Variants in CDH4 observed in about 807,000 individuals in gnomAD.
The protein encoded by CDH4 is cadherin 4.
CDH4 carries 33 observed loss-of-function variants against 86.0 expected under a neutral mutation model. That is an observed-to-expected ratio of 0.38 (90% confidence interval 0.29 to 0.51). The LOEUF is 0.51. Ranked by LOEUF, CDH4 falls within the 20% of genes least tolerant of loss-of-function variation. The pLI, the probability that CDH4 is intolerant of heterozygous loss-of-function variation, is 0.86. For missense variants in CDH4, 1,114 were observed against 1,307.4 expected (o/e 0.85, Z 2.28); for synonymous variants, 555 against 549.4 (o/e 1.01, Z -0.14).
At chr20:61,529,269 A>G (rs1045785992) in intron 2 of CDH4, among the ~76,000 whole-genome samples, 2 of 152,242 alleles carry the variant, frequency 1.3e-5, no homozygotes, top group Admixed American at 6.5e-5. Flanking sequence ...TTTATATTGC[A>G]TCATTTACAT....
chr20:61,317,830 G>A (rs1341300335), intron 2 of CDH4, among the ~76,000 whole-genome samples: 2 of 152,366 alleles, frequency 1.3e-5, no homozygotes, highest in African/African-American at 4.8e-5. Flanking sequence ...CAGCCAGCCA[G>A]CAAGGGTGAA....
At position 61,361,968 on chromosome 20, in the gene CDH4, G is replaced by A. The variant is rs186326121; in HGVS notation, c.169+107031G>A. 6.7e-3 allele frequency among the ~76,000 whole-genome samples: 1,026 copies of A among 152,304 alleles called. 24 individuals carry two copies. Among genetic ancestry groups the A allele is most frequent in the South Asian group, 0.058 (279 of 4,816 alleles). On this transcript the variant is annotated intron_variant, in intron 2 of 15. Transcript: ENST00000614565. The stretch of plus-strand genomic sequence containing the variant: ...AAGTAAGCCAGGCATCTGCCATCCC[G>A]GAGCCCACACTCTCCGAGAGGGGAC...
At chr20:61,935,382 A>G (rs186402470) in intron 15 of CDH4, among the ~76,000 whole-genome samples, 44 of 152,378 alleles carry the variant, frequency 2.9e-4, no homozygotes, top group Non-Finnish European at 4.0e-4. Context: ...CTCTGACAAC[A>G]TGACGCTTAC....
intron 2 of CDH4, among the ~76,000 whole-genome samples, chr20:61,562,057 C>G (rs182275829): frequency 0.01 from 1,474 of 143,134 alleles, 13 homozygotes; most frequent in African/African-American, 0.037. Context: ...GACCCCAGGG[C>G]TCCCGGAGAG....
intron 2 of CDH4, among the ~76,000 whole-genome samples, chr20:61,349,987 T>C (rs1439198079): frequency 6.6e-6 from 1 of 152,152 alleles, no homozygotes; most frequent in East Asian, 1.9e-4. Flanking sequence ...CCCTGCCCAC[T>C]GGGACAGTCA....
chr20:61,710,013 C>T (rs2087872741), intron 2 of CDH4, among the ~76,000 whole-genome samples: 1 of 152,086 alleles, frequency 6.6e-6, no homozygotes, highest in African/African-American at 2.4e-5. Context: ...GAAACAGTAA[C>T]TGAGTGGGAT....
At chr20:61,916,850 G>A (rs914365985) in intron 9 of CDH4, among the ~76,000 whole-genome samples, 13 of 152,220 alleles carry the variant, frequency 8.5e-5, no homozygotes, top group Non-Finnish European at 1.6e-4. Flanking sequence ...TCTCTAAACC[G>A]ACTTAGCTTC....
chr20:61,613,139 C>T (rs775155619), intron 2 of CDH4, among the ~76,000 whole-genome samples: 13 of 151,998 alleles, frequency 8.6e-5, no homozygotes, highest in Non-Finnish European at 1.9e-4. Context: ...CAAGTTTCCT[C>T]GGAAAAAACA....
At chr20:61,741,842 G>A (rs1325586530) in intron 2 of CDH4, among the ~76,000 whole-genome samples, 2 of 152,038 alleles carry the variant, frequency 1.3e-5, no homozygotes, top group Non-Finnish European at 2.9e-5. Flanking sequence ...CCAGCCGCCT[G>A]TACTTTTTTT....
chr20:61,561,201 A>C (rs551582293), intron 2 of CDH4, among the ~76,000 whole-genome samples: 113 of 152,276 alleles, frequency 7.4e-4, no homozygotes, highest in African/African-American at 2.6e-3. Context: ...AATATGGGGA[A>C]TCCAGTATCA....
At chr20:61,562,222 G>A (rs1303656361) in intron 2 of CDH4, among the ~76,000 whole-genome samples, 3 of 85,350 alleles carry the variant, frequency 3.5e-5, no homozygotes, top group African/African-American at 1.4e-4. Flanking sequence ...AGGGACCTTC[G>A]TGTGGAGAGG....
intron 2 of CDH4, among the ~76,000 whole-genome samples, chr20:61,368,823 G>T (rs2084824367): frequency 6.6e-6 from 1 of 152,074 alleles, no homozygotes; most frequent in Non-Finnish European, 1.5e-5. Flanking sequence ...GGCTAGGATG[G>T]TATTTTGTTG....
At chr20:61,455,633 G>A (rs1203118503) in intron 2 of CDH4, among the ~76,000 whole-genome samples, 1 of 152,220 alleles carries the variant, frequency 6.6e-6, no homozygotes, top group Non-Finnish European at 1.5e-5. Context: ...AGCTTCCCAT[G>A]TGCCATGCAG....
intron 3 of CDH4, among the ~76,000 whole-genome samples, chr20:61,757,242 C>T (rs544413986): frequency 6.6e-6 from 1 of 152,124 alleles, no homozygotes; most frequent in South Asian, 2.1e-4. Flanking sequence ...GACCCCCCCC[C>T]CAGCCCCCTC....
At position 61,934,231 on chromosome 20, in the gene CDH4, C is replaced by A; in HGVS notation, c.2544+11C>A. On this transcript the variant is annotated intron_variant, in intron 15 of 15. Coordinates refer to ENST00000614565, the MANE Select transcript of CDH4 (RefSeq NM_001794.5). ...GACTTCATCAATGAGGTGTGTGCCT[C>A]TCGGCAGTGGGGGGCCCGGGCAAGG... 1 of 1,523,488 alleles carries A rather than the reference C, an allele frequency of 6.6e-7. No individual in the cohort carries two copies. 94.4% of individuals were successfully genotyped at this position (1,523,488 alleles called of 1,614,324 possible).
chr20:61,516,267 C>T lies in CDH4; in HGVS notation c.170-227296C>T, dbSNP rs1414002429. 6.6e-6 allele frequency among the ~76,000 whole-genome samples: 1 copy of T among 152,212 alleles called. No homozygotes were observed. Reference sequence around the variant, plus strand: ...GACAGAGCCACCGGCCCCACCCTAACAGGAGCAATCCATTCCTGTTCCTCT... The same window carrying T: ...GACAGAGCCACCGGCCCCACCCTAATAGGAGCAATCCATTCCTGTTCCTCT... On this transcript the variant is annotated intron_variant, in intron 2 of 15. Coordinates refer to ENST00000614565, the MANE Select transcript of CDH4 (RefSeq NM_001794.5). This position sits in a 1 kb window ranked among gnomAD's most constrained non-coding sequence, Gnocchi z 4.0.
chr20:61,330,359 CCA>C (rs2084565750), intron 2 of CDH4, among the ~76,000 whole-genome samples: 1 of 152,176 alleles, frequency 6.6e-6, no homozygotes, highest in African/African-American at 2.4e-5. Flanking sequence ...ACCTGATTCT[CCA>C]CAGCCTCACC....
At chr20:61,584,071 A>G (rs558935445) in intron 2 of CDH4, among the ~76,000 whole-genome samples, 1 of 152,216 alleles carries the variant, frequency 6.6e-6, no homozygotes, top group South Asian at 2.1e-4. Context: ...GAGGCATGAG[A>G]CTCACTTGAA....
In CDH4 at chr20:61,923,567, C is replaced by T. The variant is rs1380156303; in HGVS notation, c.1491C>T (p.Ser497=). Residue 497 remains serine, a synonymous_variant, in exon 10 of 16, where the codon TCC becomes TCT. Transcript: ENST00000614565. ...AGTCCACGGCAGGGGTGACCATCTCCATCATGGACATCAACGAGGCTCCCT... is the reference window on the plus strand; with the variant it reads ...AGTCCACGGCAGGGGTGACCATCTCTATCATGGACATCAACGAGGCTCCCT... ...SFQSTAGVTI[S]IMDINEAPYF... is the part of the protein sequence containing the mutation. 2 of 1,614,192 alleles carry T rather than the reference C, an allele frequency of 1.2e-6. No individual in the cohort carries two copies. Among genetic ancestry groups the T allele is most frequent in the Admixed American group, 3.3e-5 (2 of 60,026 alleles).
Sources: allele counts gnomAD v4.1 joint callset (sites outside exome capture counted in the v4.1 genomes callset), GRCh38; gene constraint gnomAD v4.1.1; non-coding constraint Gnocchi (gnomAD v3.1); transcripts MANE v1.5; gene names NCBI Gene and HGNC (gene_info 2026-07-23, HGNC 2026-07-21).